BMP6: variants seen among roughly 807,000 people sequenced by gnomAD.
BMP6 encodes VG-1-R.
BMP6 carries 17 observed loss-of-function variants against 54.1 expected under a neutral mutation model. The ratio of observed to expected loss-of-function variants is 0.31; its 90% CI spans 0.22 to 0.47. BMP6 has a LOEUF of 0.47. Ranked by LOEUF, BMP6 falls within the 20% of genes least tolerant of loss-of-function variation. BMP6 has a pLI of 1.00. For missense variants in BMP6, 720 were observed against 690.4 expected, an observed-to-expected ratio of 1.04 and a Z score of -0.48; for synonymous variants, 328 against 291.2, an observed-to-expected ratio of 1.13 and a Z score of -1.28.
At chr6:7,798,023 C>G (rs1345789500) in intron 1 of BMP6, among the ~76,000 whole-genome samples, 1 of 151,870 alleles carries the variant, frequency 6.6e-6, no homozygotes, top group Non-Finnish European at 1.5e-5. Flanking sequence ...AGATCTTGTG[C>G]CTGTCATTCT....
intron 2 of BMP6, among the ~76,000 whole-genome samples, chr6:7,846,117 C>T (rs1209409590): frequency 3.3e-5 from 5 of 152,114 alleles, no homozygotes; most frequent in Admixed American, 1.3e-4. Context: ...ATAGTGTTAC[C>T]GTGTAGCTCT....
intron 2 of BMP6, among the ~76,000 whole-genome samples, chr6:7,850,754 G>T (rs1198114746): frequency 6.6e-6 from 1 of 152,184 alleles, no homozygotes; most frequent in Non-Finnish European, 1.5e-5. Context: ...GAAGTTTTGA[G>T]CTCAGCAGAA....
At chr6:7,742,309 C>G (rs184537455) in intron 1 of BMP6, among the ~76,000 whole-genome samples, 2 of 152,170 alleles carry the variant, frequency 1.3e-5, no homozygotes, top group South Asian at 4.1e-4. Context: ...GCCGCTGAGT[C>G]TCAATTTAAA....
chr6:7,831,294 C>T (rs990344213), intron 1 of BMP6, among the ~76,000 whole-genome samples: 19 of 152,024 alleles, frequency 1.2e-4, no homozygotes, highest in East Asian at 3.8e-4. Context: ...TTACCAAGGC[C>T]GCGGGGGAGG....
At chr6:7,794,070 C>T (rs1758153088) in intron 1 of BMP6, among the ~76,000 whole-genome samples, 1 of 152,228 alleles carries the variant, frequency 6.6e-6, no homozygotes, top group Admixed American at 6.5e-5. Context: ...AAGGCTCGTA[C>T]TCAGAGGCCT....
At chr6:7,770,975 G>C (rs1757776633) in intron 1 of BMP6, among the ~76,000 whole-genome samples, 1 of 152,178 alleles carries the variant, frequency 6.6e-6, no homozygotes, top group Non-Finnish European at 1.5e-5. Context: ...GCATTCTTAG[G>C]AACTGAGTGG....
chr6:7,781,882 C>T (rs954368304), intron 1 of BMP6, among the ~76,000 whole-genome samples: 31 of 151,458 alleles, frequency 2.0e-4, no homozygotes, highest in African/African-American at 7.0e-4. Context: ...GTCTTTCAGG[C>T]CATATTCAGG....
At chr6:7,732,681 TGTA>T (rs35040137) in intron 1 of BMP6, among the ~76,000 whole-genome samples, 33,882 of 152,014 alleles carry the variant, frequency 0.22, 3,876 homozygotes, top group Middle Eastern at 0.39. Flanking sequence ...GGCTATCAAA[TGTA>T]GTATATCAAA....
chr6:7,867,683 T>TA (rs2113283929), intron 4 of BMP6, among the ~76,000 whole-genome samples: 1 of 152,322 alleles, frequency 6.6e-6, no homozygotes, highest in African/African-American at 2.4e-5. Context: ...GCAGATGTCT[T>TA]AAGTAGAGTT....
chr6:7,825,673 T>C (rs1409874040), intron 1 of BMP6, among the ~76,000 whole-genome samples: 5 of 151,110 alleles, frequency 3.3e-5, no homozygotes, highest in Non-Finnish European at 7.4e-5. Context: ...TGAGTCGAGA[T>C]TGTGTCATTG....
intron 1 of BMP6, among the ~76,000 whole-genome samples, chr6:7,731,103 C>G (rs1761848460): frequency 6.6e-6 from 1 of 152,224 alleles, no homozygotes; most frequent in Admixed American, 6.5e-5. Context: ...GTTTCAAACT[C>G]TTTCTGGGTG....
At chr6:7,747,377 A>G (rs1437087799) in intron 1 of BMP6, among the ~76,000 whole-genome samples, 1 of 152,206 alleles carries the variant, frequency 6.6e-6, no homozygotes, top group Non-Finnish European at 1.5e-5. Flanking sequence ...GAGGGATTTG[A>G]TGGAAGAAGA....
chr6:7,879,961 C>T (rs1269584528), intron 5 of BMP6, 30 bp from the exon 6 acceptor site: 1 of 1,597,786 alleles, frequency 6.3e-7, no homozygotes, highest in Admixed American at 1.7e-5. Context: ...GCATGCTCAT[C>T]TTTTGTTGCT....
chr6:7,779,808 GGTACTCAAATA>G (rs1032635738), intron 1 of BMP6, among the ~76,000 whole-genome samples: 4 of 152,096 alleles, frequency 2.6e-5, no homozygotes, highest in Non-Finnish European at 5.9e-5. Flanking sequence ...GGGGGAGAGG[GGTACTCAAATA>G]GCAAAGAGAT....
At chr6:7,777,210 A>G (rs969065307) in intron 1 of BMP6, among the ~76,000 whole-genome samples, 4 of 152,150 alleles carry the variant, frequency 2.6e-5, no homozygotes, top group Non-Finnish European at 5.9e-5. Flanking sequence ...GGTGAGGGGA[A>G]GGAGGTCAGA....
At chr6:7,847,474 A>G (rs1759084613) in intron 2 of BMP6, among the ~76,000 whole-genome samples, 1 of 152,154 alleles carries the variant, frequency 6.6e-6, no homozygotes, top group Non-Finnish European at 1.5e-5. Context: ...CATCTGTACC[A>G]TCTTGGGGTG....
intron 2 of BMP6, among the ~76,000 whole-genome samples, chr6:7,856,610 T>TTTTTTTTTTTTTG (rs1477184469): frequency 4.9e-5 from 6 of 122,202 alleles, no homozygotes; most frequent in Middle Eastern, 4.0e-3. Flanking sequence ...TTTTTTTTTT[T>TTTTTTTTTTTTTG]TTTTGAGACG....
intron 1 of BMP6, among the ~76,000 whole-genome samples, chr6:7,809,788 C>A (rs2326994): frequency 6.6e-6 from 1 of 152,090 alleles, no homozygotes; most frequent in African/African-American, 2.4e-5. Context: ...GTTCAGCTTG[C>A]AAAAAAGACT....
rs1761730520 is a variant in BMP6 at position 7,726,715 on chromosome 6, C to T, written c.-241C>T. 5.6e-6 allele frequency: 1 copy of T among 178,748 alleles called. No homozygotes were observed. The highest frequency in any genetic ancestry group is 6.3e-5 in the Admixed American group (1 of 15,962). The allele number at this position is 178,748 out of a possible 1,614,324, so 11.1% of individuals were successfully genotyped here. ...GAGACCTGCGCGAGGCTGTGAGGCT[C>T]CCCTTCCTCCCCTCCAAGCGGTTCT... On this transcript the variant is annotated 5_prime_UTR_variant, in exon 1 of 7. Coordinates refer to ENST00000283147, the MANE Select transcript of BMP6 (RefSeq NM_001718.6).
Sources: allele counts gnomAD v4.1 joint callset (sites outside exome capture counted in the v4.1 genomes callset), GRCh38; gene constraint gnomAD v4.1.1; transcripts MANE v1.5; gene names NCBI Gene and HGNC (gene_info 2026-07-23, HGNC 2026-07-21).